ZNF711: variants seen among roughly 807,000 people sequenced by gnomAD.
The protein encoded by ZNF711 is ZFX family zinc finger ZNF711, also known as zinc finger protein 711.
A neutral mutation model predicts 43.5 loss-of-function variants in ZNF711; 3 were observed. The ratio of observed to expected loss-of-function variants is 0.07; its 90% CI spans 0.03 to 0.18. The LOEUF is 0.18. Ranked by LOEUF, ZNF711 falls within the 10% of genes least tolerant of loss-of-function variation. ZNF711 has a pLI of 1.00. For missense variants in ZNF711, 412 were observed against 604.0 expected, an observed-to-expected ratio of 0.68 and a Z score of 3.33; for synonymous variants, 209 against 207.7, an observed-to-expected ratio of 1.01 and a Z score of -0.06.
chrX:85,248,964 C>T (rs149412236), intron 4 of ZNF711, among the ~76,000 whole-genome samples: 28 of 111,898 alleles, frequency 2.5e-4, no homozygotes, highest in Non-Finnish European at 5.3e-4. Flanking sequence ...TACTGAATTC[C>T]CTTTTATAAT....
At chrX:85,258,617 G>A (rs1569264735) in intron 5 of ZNF711, among the ~76,000 whole-genome samples, 1 of 110,358 alleles carries the variant, frequency 9.1e-6, no homozygotes, top group Admixed American at 9.7e-5. Context: ...ACTGGTGTGA[G>A]GTGATGTCTC....
At chrX:85,268,398 C>T in intron 9 of ZNF711, 57 bp downstream of exon 9, 1 of 1,081,931 alleles carries the variant, frequency 9.2e-7, no homozygotes, top group South Asian at 1.9e-5. Context: ...TTTTATTTTA[C>T]TGCTTGGTAA....
intron 5 of ZNF711, among the ~76,000 whole-genome samples, chrX:85,260,091 C>T (rs1930507125): frequency 9.0e-6 from 1 of 111,239 alleles, no homozygotes; most frequent in Non-Finnish European, 1.9e-5. Flanking sequence ...GGGTTTTTAT[C>T]ATGAAGGGCT....
In ZNF711 at chrX:85,268,268, CTTTTTT is replaced by C; in HGVS notation, c.1055-8_1055-3del. The C allele has an allele frequency of 5.8e-5, 53 of 910,374 alleles. No homozygotes were observed. The highest frequency in any genetic ancestry group is 6.5e-5 in the Non-Finnish European group (45 of 690,869). The allele number at this position is 910,374 out of a possible 1,213,427, so 75.0% of individuals were successfully genotyped here. ...ATTAGCATATCAGTTTGTAATTGGT[CTTTTTT>C]TTTTTTTTTTTTTTTTTAGGAGATG... On this transcript the variant is annotated intron_variant, in intron 8 of 10. Transcript: ENST00000674551.
intron 6 of ZNF711, 29 bp from the exon 7 acceptor site, chrX:85,265,089 C>G: frequency 8.4e-7 from 1 of 1,188,639 alleles, no homozygotes; most frequent in Non-Finnish European, 1.1e-6. Context: ...TGATACTTCT[C>G]TATTTTAATG....
chrX:85,260,479 T>C (rs1930535696), intron 5 of ZNF711, among the ~76,000 whole-genome samples: 1 of 110,843 alleles, frequency 9.0e-6, no homozygotes, highest in Admixed American at 9.7e-5. Flanking sequence ...ATCCTTTTAT[T>C]TACCCATCTG....
rs779355027 is a variant in ZNF711, at chrX:85,271,565, C to T, written c.2161C>T (p.Pro721Ser). Residue 721 changes from proline to serine, a missense_variant, in exon 11 of 11, where the codon CCA becomes TCA. Pro to Ser is a moderately conservative substitution (Grantham distance 74, BLOSUM62 -1). This residue lies in a region of ZNF711 where 25 missense variants were observed against 52.9 expected (regional missense o/e 0.47). Coordinates refer to ENST00000674551, the MANE Select transcript of ZNF711 (RefSeq NM_001330574.2). ...HILSVHTKDQ[P>S]LKCKRCKRGF... ...CCTTTCAGTTCATACTAAAGATCAG[C>T]CATTGAAATGTAAAAGGTGCAAGAG... The T allele has an allele frequency of 1.7e-6, 2 of 1,210,692 alleles. No homozygotes were observed. The highest frequency in any genetic ancestry group is 4.4e-5 in the Admixed American group (2 of 45,900).
rs749674983 is a variant in ZNF711 at position 85,245,688 on chromosome X, G to C, written c.-405-215G>C. On this transcript the variant is annotated intron_variant, in intron 1 of 10. Coordinates refer to ENST00000674551, the MANE Select transcript of ZNF711 (RefSeq NM_001330574.2). ...GAGAAGATTTTGGTTTAATCAAGTG[G>C]TAGCATTCTAAGTATAATAACGTTG... 5.4e-5 allele frequency among the ~76,000 whole-genome samples: 6 copies of C among 112,103 alleles called. No individual in the cohort carries two copies. The South Asian group carries it at 2.2e-3, about 42-fold the overall frequency.
In ZNF711 at chrX:85,272,654, G is replaced by T; in HGVS notation, c.*826G>T. On this transcript the variant is annotated 3_prime_UTR_variant, in exon 11 of 11. Coordinates refer to ENST00000674551, the MANE Select transcript of ZNF711 (RefSeq NM_001330574.2). ...CTAAAGATTAATTTGAGAGAACACA[G>T]TTTTCTTAAATATTATAATGTCTAG... The T allele has an allele frequency of 8.9e-6, 1 of 112,044 alleles. No individual in the cohort carries two copies. The highest frequency in any genetic ancestry group is 3.2e-5 in the African/African-American group (1 of 30,901). The allele number at this position is 112,044 out of a possible 1,213,427, so 9.2% of individuals were successfully genotyped here.
intron 4 of ZNF711, among the ~76,000 whole-genome samples, chrX:85,249,097 C>T (rs1203781326): frequency 1.8e-5 from 2 of 111,533 alleles, no homozygotes; most frequent in African/African-American, 3.3e-5. Context: ...ATAAAGAAAT[C>T]GTGGATGTAT....
At chrX:85,258,591 G>A (rs780019435) in intron 5 of ZNF711, among the ~76,000 whole-genome samples, 2 of 108,912 alleles carry the variant, frequency 1.8e-5, no homozygotes, top group Admixed American at 9.8e-5. Context: ...TAATAATAAT[G>A]ATAATGGTCA....
Position 85,255,758 on chromosome X carries a change from T to G in ZNF711, c.579T>G (p.Asp193Glu), listed in dbSNP as rs149845917. 16 of 1,209,074 alleles carry G rather than the reference T, an allele frequency of 1.3e-5. No individual in the cohort carries two copies. In the African/African-American group the frequency reaches 2.1e-4, roughly 16 times the overall value. Residue 193 changes from aspartate (D) to glutamate (E), a missense_variant, in exon 5 of 11, where the codon GAT becomes GAG. Asp to Glu is a conservative substitution (Grantham distance 45). Around this residue, in one of 4 missense-constraint regions of ZNF711, gnomAD observed 375 missense variants for 514.2 expected, o/e 0.73. Coordinates refer to ENST00000674551, the MANE Select transcript of ZNF711 (RefSeq NM_001330574.2). Reference protein sequence around the residue: ...TVTIKTEDDDDDDVKSTSEDY... With the variant: ...TVTIKTEDDDEDDVKSTSEDY... ...CTATAAAAACCGAAGATGATGATGA[T>G]GATGATGTCAAGAGCACTTCTGAAG...
chrX:85,260,017 T>G (rs766064246), intron 5 of ZNF711, among the ~76,000 whole-genome samples: 2 of 111,285 alleles, frequency 1.8e-5, no homozygotes, highest in South Asian at 7.6e-4. Context: ...GATATTGGCT[T>G]TGGGTTTGTC....
At chrX:85,267,897 G>C (rs1050185272) in intron 8 of ZNF711, among the ~76,000 whole-genome samples, 2 of 110,577 alleles carry the variant, frequency 1.8e-5, no homozygotes, top group Non-Finnish European at 3.8e-5. Flanking sequence ...CCTATGTAAC[G>C]TACAAGATGG....
At chrX:85,262,760 T>C (rs1758903593) in intron 5 of ZNF711, among the ~76,000 whole-genome samples, 1 of 110,648 alleles carries the variant, frequency 9.0e-6, no homozygotes, top group Admixed American at 9.7e-5. Context: ...TAGAATCATT[T>C]GTATTTAATC....
Position 85,271,797 on chromosome X carries a change from T to C in ZNF711, c.2393T>C (p.Ile798Thr). Residue 798 changes from isoleucine to threonine, a missense_variant, in exon 11 of 11, where the codon ATT (isoleucine) becomes ACT (threonine). Physicochemically the swap from Ile to Thr is moderately conservative, Grantham distance 89 (BLOSUM62 -1). Coordinates refer to ENST00000674551, the MANE Select transcript of ZNF711 (RefSeq NM_001330574.2). ...FRRPSEKNQH[I>T]MRHHKEALM ...AGACCATCAGAAAAAAATCAGCATA[T>C]TATGAGGCACCACAAAGAGGCTCTT... 2.5e-6 allele frequency: 3 copies of C among 1,210,036 alleles called. No individual in the cohort carries two copies. The highest frequency in any genetic ancestry group is 3.4e-6 in the Non-Finnish European group (3 of 894,376).
chrX:85,250,541 C>T (rs1929473612), intron 4 of ZNF711, among the ~76,000 whole-genome samples: 2 of 111,171 alleles, frequency 1.8e-5, no homozygotes, highest in African/African-American at 6.5e-5. Flanking sequence ...TTGTTATATA[C>T]CTGTTTATGA....
At chrX:85,251,152 A>T (rs1298222112) in intron 4 of ZNF711, among the ~76,000 whole-genome samples, 1 of 111,719 alleles carries the variant, frequency 9.0e-6, no homozygotes, top group Non-Finnish European at 1.9e-5. Context: ...TTAGAGTTTA[A>T]CATACACAGA....
At chrX:85,247,371 T>C (rs1929120646) in intron 3 of ZNF711, 176 bp from the exon 4 acceptor site, 1 of 364,093 alleles carries the variant, frequency 2.7e-6, no homozygotes, top group Non-Finnish European at 4.7e-6. Flanking sequence ...TGGCACTTCT[T>C]TTATTTATGG....
Sources: allele counts gnomAD v4.1 joint callset (sites outside exome capture counted in the v4.1 genomes callset), GRCh38; gene constraint gnomAD v4.1.1; regional missense constraint gnomAD v4.1.1; transcripts MANE v1.5; gene names NCBI Gene and HGNC (gene_info 2026-07-23, HGNC 2026-07-21).